ZNF507: variants seen among roughly 807,000 people sequenced by gnomAD.
ZNF507 encodes the protein zinc finger protein 507.
ZNF507 carries 29 observed loss-of-function variants against 80.0 expected under a neutral mutation model. The ratio of observed to expected loss-of-function variants is 0.36; its 90% CI spans 0.27 to 0.49. The LOEUF is 0.49. ZNF507 is among the 20% of genes least tolerant of loss of function. The probability of loss-of-function intolerance (pLI) is 0.98; values close to 1 mark genes in which losing one functional copy is unlikely to be tolerated. For synonymous variants in ZNF507, 462 were observed against 422.5 expected, an observed-to-expected ratio of 1.09 and a Z score of -1.15; for missense variants, 1,081 against 1,152.2, an observed-to-expected ratio of 0.94 and a Z score of 0.90.
At chr19:32,382,312 A>T in intron 5 of ZNF507, 155 bp from the exon 6 acceptor site, 1 of 900,738 alleles carries the variant, frequency 1.1e-6, no homozygotes, top group Non-Finnish European at 1.7e-6. Context: ...AAATCAGTGT[A>T]CCTCTTAGAA....
intron 5 of ZNF507, among the ~76,000 whole-genome samples, chr19:32,370,646 A>G: frequency 6.6e-6 from 1 of 152,084 alleles, no homozygotes; most frequent in East Asian, 1.9e-4. Context: ...CTTATCGGAT[A>G]TGTGGTTTGC....
At chr19:32,373,527 AGTG>A (rs1225802108) in intron 5 of ZNF507, among the ~76,000 whole-genome samples, 3 of 152,226 alleles carry the variant, frequency 2.0e-5, no homozygotes, top group African/African-American at 7.2e-5. Flanking sequence ...GCCTTTGGCA[AGTG>A]GTCAGTTGTC....
Position 32,360,636 on chromosome 19 carries a change from A to T in ZNF507, c.2360+18A>T. 7.3e-7 allele frequency: 1 copy of T among 1,372,402 alleles called. No homozygotes were observed. Among genetic ancestry groups the T allele is most frequent in the Non-Finnish European group, 9.9e-7 (1 of 1,013,462 alleles). The allele number at this position is 1,372,402 out of a possible 1,614,324, so 85.0% of individuals were successfully genotyped here. A position where few individuals can be genotyped will look rare whatever the true frequency, so the allele number is the denominator to read the frequency against. ...CCGTACAGGTAAGTGTTATGATTCT[A>T]GAATTTTAATGTTTGTATTAAAATA... On this transcript the variant is annotated intron_variant, in intron 5 of 6. Transcript: ENST00000355898.
intron 2 of ZNF507, among the ~76,000 whole-genome samples, chr19:32,349,156 A>G (rs1425972419): frequency 1.3e-5 from 2 of 152,230 alleles, no homozygotes; most frequent in East Asian, 3.8e-4. Flanking sequence ...AGCCAATCCA[A>G]GGTGACCTAG....
In ZNF507 at chr19:32,383,101, G is replaced by C; in HGVS notation, c.*18G>C. On this transcript the variant is annotated 3_prime_UTR_variant, in exon 7 of 7. Coordinates refer to ENST00000355898, the MANE Select transcript of ZNF507 (RefSeq NM_001136156.2). The stretch of plus-strand genomic sequence containing the variant: ...CAAATTAGGTGGAATAATGACTCGA[G>C]CAGGAAAGCAGTAGAAGAGGATTCC... 6.2e-7 allele frequency: 1 copy of C among 1,601,634 alleles called. No individual in the cohort carries two copies. The highest frequency in any genetic ancestry group is 8.5e-7 in the Non-Finnish European group (1 of 1,171,456).
intron 5 of ZNF507, among the ~76,000 whole-genome samples, chr19:32,375,140 T>C (rs1343430145): frequency 4.6e-5 from 7 of 152,028 alleles, no homozygotes; most frequent in African/African-American, 1.2e-4. Context: ...TAATGAAACA[T>C]GTAGCTCATT....
chr19:32,352,878 A>C lies in ZNF507; in HGVS notation c.48A>C (p.Glu16Asp). ...CCATGTTGGTGCCAGATATTGGGGA[A>C]CAGGAAGCTATACTGACTGCTGAAA... ...SVAMLVPDIG[E>D]QEAILTAESI... is the part of the protein sequence containing the mutation. Residue 16 changes from glutamate (E) to aspartate (D), a missense_variant, in exon 3 of 7, where the codon GAA (glutamate) becomes GAC (aspartate). This residue lies in a region of ZNF507 where 275 missense variants were observed against 303.9 expected (regional missense o/e 0.90). Coordinates refer to ENST00000355898, the MANE Select transcript of ZNF507 (RefSeq NM_001136156.2). 6.2e-7 allele frequency: 1 copy of C among 1,601,884 alleles called. No individual in the cohort carries two copies. Among genetic ancestry groups the C allele is most frequent in the South Asian group, 1.1e-5 (1 of 88,108 alleles).
intron 2 of ZNF507, among the ~76,000 whole-genome samples, chr19:32,351,791 G>GA (rs1359849276): frequency 6.6e-6 from 1 of 151,966 alleles, no homozygotes; most frequent in Non-Finnish European, 1.5e-5. Context: ...CTTGTTGCTG[G>GA]AAAAAAGCCT....
chr19:32,364,044 T>G (rs11880053), intron 5 of ZNF507, among the ~76,000 whole-genome samples: 1,962 of 152,324 alleles, frequency 0.013, 51 homozygotes, highest in African/African-American at 0.043. Context: ...CATAAGGCTT[T>G]GTGAAGATTA....
Position 32,354,538 on chromosome 19 carries a change from G to A in ZNF507, c.1708G>A (p.Gly570Ser). 6.2e-7 allele frequency: 1 copy of A among 1,614,122 alleles called. No individual in the cohort carries two copies. Among genetic ancestry groups the A allele is most frequent in the Non-Finnish European group, 8.5e-7 (1 of 1,180,040 alleles). The change falls in exon 3 of 7, where the codon GGT becomes AGT. Residue 570 changes from glycine (G) to serine (S), a missense_variant. Around this residue, in one of 6 missense-constraint regions of ZNF507, gnomAD observed 614 missense variants for 583.9 expected, o/e 1.05. Transcript: ENST00000355898. ...CTCCACCTTGGTAGCACTCCCAGAG[G>A]GTAGGCAGGAATTGTCAGATGGGCA... ...SNSTLVALPE[G>S]RQELSDGQVK...
rs749964243 is a variant in ZNF507 at position 32,384,272 on chromosome 19, T to C, written c.*1189T>C. ...TTTTGTTAGAGTGCGATAGGACATA[T>C]GGAAAACCAACACAAAGTGCTTTAG... On this transcript the variant is annotated 3_prime_UTR_variant, in exon 7 of 7. Transcript: ENST00000355898. 5 of 152,252 alleles carry C rather than the reference T, an allele frequency of 3.3e-5. No homozygotes were observed. Among genetic ancestry groups the C allele is most frequent in the Admixed American group, 1.3e-4 (2 of 15,286 alleles). 9.4% of individuals were successfully genotyped at this position (152,252 alleles called of 1,614,324 possible). A position where few individuals can be genotyped will look rare whatever the true frequency, so the allele number is the denominator to read the frequency against.
chr19:32,381,169 A>G (rs965949987), intron 5 of ZNF507, among the ~76,000 whole-genome samples: 23 of 152,184 alleles, frequency 1.5e-4, no homozygotes, highest in Admixed American at 5.9e-4. Context: ...AGGCAAAACT[A>G]TGGAGTCAAC....
In ZNF507 at chr19:32,375,270, G is replaced by T. The variant is rs557804686; in HGVS notation, c.2361-7197G>T. Among the ~76,000 whole-genome samples, 8 of 152,294 alleles carry T rather than the reference G, an allele frequency of 5.3e-5. 1 individual carries two copies. The South Asian group carries it at 1.7e-3, about 32-fold the overall frequency. ...TGGCATTTAGTGAGTAGAGGCTAGG[G>T]ATGCTGCTGGACAACCTGCAGTGCC... On this transcript the variant is annotated intron_variant, in intron 5 of 6. Transcript: ENST00000355898.
At chr19:32,360,706 A>T (rs1967311093) in intron 5 of ZNF507, 88 bp downstream of exon 5, 1 of 628,912 alleles carries the variant, frequency 1.6e-6, no homozygotes, top group South Asian at 4.7e-5. Context: ...TATAGCACTT[A>T]CTGAAACACA....
chr19:32,382,232 TTAC>T (rs1967632681), intron 5 of ZNF507: 1 of 399,028 alleles, frequency 2.5e-6, no homozygotes, highest in Non-Finnish European at 4.4e-6. Flanking sequence ...GTCTTGATTC[TTAC>T]TAATTCTTTA....
At chr19:32,368,058 G>GTT (rs1967422616) in intron 5 of ZNF507, among the ~76,000 whole-genome samples, 1 of 152,110 alleles carries the variant, frequency 6.6e-6, no homozygotes, top group Non-Finnish European at 1.5e-5. Context: ...CAGAGCCGGG[G>GTT]CCTGAACTCT....
intron 3 of ZNF507, among the ~76,000 whole-genome samples, chr19:32,355,514 C>G (rs964130241): frequency 1.3e-5 from 2 of 152,108 alleles, no homozygotes; most frequent in African/African-American, 4.8e-5. Flanking sequence ...AAAGAACTTT[C>G]AAGAGTTATT....
At chr19:32,370,661 A>T (rs1555710541) in intron 5 of ZNF507, among the ~76,000 whole-genome samples, 1 of 151,620 alleles carries the variant, frequency 6.6e-6, no homozygotes, top group Non-Finnish European at 1.5e-5. Flanking sequence ...GTTTGCAGAT[A>T]TTTTTTTTGC....
At chr19:32,360,464 G>T (rs770170666) in intron 4 of ZNF507, 40 bp from the exon 5 acceptor site, 17 of 1,116,652 alleles carry the variant, frequency 1.5e-5, no homozygotes, top group Non-Finnish European at 5.0e-6. Flanking sequence ...TTTGAATCTT[G>T]TCAAAGCCTG....
Sources: gnomAD v4.1 joint callset for allele counts (sites outside exome capture counted in the v4.1 genomes callset) on GRCh38, gnomAD v4.1.1 for gene constraint, gnomAD v4.1.1 regional missense constraint, MANE v1.5 for transcripts, NCBI Gene and HGNC (gene_info 2026-07-23, HGNC 2026-07-21) for gene names.